ALMS1: variants seen among roughly 807,000 people sequenced by gnomAD.
ALMS1 encodes centrosome-associated protein ALMS1.
Under a neutral mutation model 352.2 loss-of-function variants are expected in ALMS1, and 271 were observed. The observed-to-expected ratio is 0.77, with a 90% CI of 0.70 to 0.85. The LOEUF is 0.85. Ranked by LOEUF, ALMS1 falls within the 40% of genes least tolerant of loss-of-function variation. The pLI is 0.00. For synonymous variants in ALMS1, 1,865 were observed against 1,761.2 expected (o/e 1.06, Z -1.48); for missense variants, 5,445 against 4,870.7 (o/e 1.12, Z -3.51).
chr2:73,513,129 T>C (rs1319022955), intron 10 of ALMS1, among the ~76,000 whole-genome samples: 1 of 152,256 alleles, frequency 6.6e-6, no homozygotes, highest in African/African-American at 2.4e-5. Context: ...AGGATGACCC[T>C]AACGCTCCAC....
At chr2:73,459,669 A>G (rs1213341403) in intron 9 of ALMS1, among the ~76,000 whole-genome samples, 2 of 152,148 alleles carry the variant, frequency 1.3e-5, no homozygotes, top group Non-Finnish European at 2.9e-5. Flanking sequence ...AACCATTTTA[A>G]GCTGGTTCCT....
At chr2:73,439,274 C>T (rs7584575) in intron 7 of ALMS1, among the ~76,000 whole-genome samples, 54,822 of 151,554 alleles carry the variant, frequency 0.36, 13,263 homozygotes, top group African/African-American at 0.69. Context: ...CACTAATATG[C>T]CCAGCTAATC....
intron 10 of ALMS1, among the ~76,000 whole-genome samples, chr2:73,511,417 G>GA (rs1673448972): frequency 6.6e-6 from 1 of 152,062 alleles, no homozygotes; most frequent in African/African-American, 2.4e-5. Context: ...TTGGTTAGGG[G>GA]AGGGAGTTCC....
chr2:73,601,121 A>G lies in ALMS1; in HGVS notation c.11873-74A>G, dbSNP rs192400200. ...CCCTGAGAACCTGTATTATATGCAT[A>G]TCCTGGATAAGAGCTGGGTGGGGCT... On this transcript the variant is annotated intron_variant, in intron 18 of 22. Transcript: ENST00000613296. 3.2e-4 allele frequency: 516 copies of G among 1,607,296 alleles called. 1 individual carries two copies. The African/African-American group carries it at 5.0e-3, about 16-fold the overall frequency.
intron 3 of ALMS1, among the ~76,000 whole-genome samples, chr2:73,421,996 A>G (rs1024848376): frequency 1.3e-5 from 2 of 152,156 alleles, no homozygotes; most frequent in Non-Finnish European, 2.9e-5. Context: ...TTTGGGTAAC[A>G]GGATTCTTTT....
chr2:73,590,771 C>T (rs183917164), intron 16 of ALMS1, among the ~76,000 whole-genome samples: 4 of 148,412 alleles, frequency 2.7e-5, no homozygotes, highest in South Asian at 2.1e-4. Flanking sequence ...CTCCACCTTG[C>T]GGGTTCAAGC....
At chr2:73,467,811 A>G (rs926017855) in intron 9 of ALMS1, among the ~76,000 whole-genome samples, 1 of 152,064 alleles carries the variant, frequency 6.6e-6, no homozygotes, top group Non-Finnish European at 1.5e-5. Context: ...CACACACGTT[A>G]TGGTTAGCAA....
intron 16 of ALMS1, among the ~76,000 whole-genome samples, chr2:73,583,114 A>T (rs1675223791): frequency 6.6e-6 from 1 of 150,952 alleles, no homozygotes. Flanking sequence ...TCTTATGCTT[A>T]GTGATACTGA....
chr2:73,486,243 G>A (rs547044490), intron 9 of ALMS1, among the ~76,000 whole-genome samples: 2 of 152,138 alleles, frequency 1.3e-5, no homozygotes, highest in African/African-American at 4.8e-5. Context: ...ATATTTTCTT[G>A]TAACCTGTAG....
intron 11 of ALMS1, 80 bp from the exon 12 acceptor site, chr2:73,534,744 A>G (rs1673990066): frequency 1.3e-6 from 2 of 1,490,044 alleles, no homozygotes; most frequent in Non-Finnish European, 1.9e-6. Context: ...CACTGCCTGA[A>G]ACATAGAAGG....
chr2:73,387,474 C>CAGTT (rs745948804), intron 1 of ALMS1, among the ~76,000 whole-genome samples: 10 of 152,104 alleles, frequency 6.6e-5, no homozygotes, highest in Non-Finnish European at 1.2e-4. Flanking sequence ...TATCTGAAGA[C>CAGTT]AGTTTAAGGT....
At chr2:73,398,863 A>T (rs1297414333) in intron 1 of ALMS1, among the ~76,000 whole-genome samples, 1 of 150,878 alleles carries the variant, frequency 6.6e-6, no homozygotes, top group Non-Finnish European at 1.5e-5. Context: ...TTTTTTTTTG[A>T]GATGGAGTCT....
chr2:73,567,950 A>G (rs1056597992), intron 15 of ALMS1, among the ~76,000 whole-genome samples: 2 of 152,186 alleles, frequency 1.3e-5, no homozygotes, highest in Admixed American at 1.3e-4. Flanking sequence ...ATAAATGAAT[A>G]ATGGGAAAAC....
Position 73,572,603 on chromosome 2 carries a change from C to G in ALMS1, c.10726C>G (p.Gln3576Glu). 6.2e-7 allele frequency: 1 copy of G among 1,613,824 alleles called. No homozygotes were observed. The highest frequency in any genetic ancestry group is 8.5e-7 in the Non-Finnish European group (1 of 1,179,954). Reference sequence around the variant, plus strand: ...TAGAGATTATCCAAAACATAATGGACAAATTAGTGATCCACAAAGGGATCA... The same window carrying G: ...TAGAGATTATCCAAAACATAATGGAGAAATTAGTGATCCACAAAGGGATCA... Reference protein sequence around the residue: ...QVRDYPKHNGQISDPQRDQKV... With the variant: ...QVRDYPKHNGEISDPQRDQKV... The change falls in exon 16 of 23, where the codon CAA becomes GAA. Residue 3576 changes from glutamine to glutamate, a missense_variant. Gln to Glu is a conservative substitution (Grantham distance 29). Coordinates refer to ENST00000613296, the MANE Select transcript of ALMS1 (RefSeq NM_001378454.1).
chr2:73,518,314 G>A (rs1673601734), intron 10 of ALMS1, among the ~76,000 whole-genome samples: 1 of 152,138 alleles, frequency 6.6e-6, no homozygotes, highest in African/African-American at 2.4e-5. Context: ...TTATATGGCT[G>A]CATAGTATTC....
At position 73,608,568 on chromosome 2, in the gene ALMS1, T is replaced by C. The variant is rs1348620586; in HGVS notation, c.12456T>C (p.Tyr4152=). 3 of 1,613,094 alleles carry C rather than the reference T, an allele frequency of 1.9e-6. No individual in the cohort carries two copies. The highest frequency in any genetic ancestry group is 1.3e-5 in the African/African-American group (1 of 74,902). Residue 4152 remains tyrosine (Y), a synonymous_variant, in exon 22 of 23, where the codon TAT becomes TAC. Transcript: ENST00000613296. ...CATACCGGCTGCGAGCCCAGCTATA[T>C]AAAAAGGTCAGTGGGTCCTCTGTCT... The part of the protein sequence containing the change: ...YKSYRLRAQL[Y]KKRVTNQLLG...
At chr2:73,576,019 C>T (rs186174434) in intron 16 of ALMS1, among the ~76,000 whole-genome samples, 2 of 152,250 alleles carry the variant, frequency 1.3e-5, no homozygotes, top group Admixed American at 1.3e-4. Flanking sequence ...AAGGGTCCAC[C>T]TTCATTCTTC....
At chr2:73,492,775 G>A (rs888105814) in intron 10 of ALMS1, among the ~76,000 whole-genome samples, 2 of 151,832 alleles carry the variant, frequency 1.3e-5, no homozygotes, top group African/African-American at 4.8e-5. Context: ...ACAGAGTCTC[G>A]CTCTGTCACC....
At chr2:73,477,807 TG>T (rs1387734761) in intron 9 of ALMS1, among the ~76,000 whole-genome samples, 1 of 152,216 alleles carries the variant, frequency 6.6e-6, no homozygotes, top group Non-Finnish European at 1.5e-5. Flanking sequence ...AGTTGATTTT[TG>T]TATATTGCAC....
Sources: gnomAD v4.1 joint callset for allele counts (sites outside exome capture counted in the v4.1 genomes callset) on GRCh38, gnomAD v4.1.1 for gene constraint, MANE v1.5 for transcripts, NCBI Gene and HGNC (gene_info 2026-07-23, HGNC 2026-07-21) for gene names.